The following LGR5 variants were observed in gnomAD, a reference collection of about 807,000 sequenced individuals.
LGR5 encodes the protein leucine rich repeat containing G protein-coupled receptor 5, also known as leucine-rich repeat-containing G protein-coupled receptor 5.
LGR5 carries 54 observed loss-of-function variants against 76.7 expected under a neutral mutation model. The observed-to-expected ratio is 0.70, with a 90% CI of 0.57 to 0.88. The LOEUF (loss-of-function observed/expected upper bound fraction) is 0.88. LGR5 is among the 40% of genes least tolerant of loss of function. The probability of loss-of-function intolerance (pLI) is 0.00; values close to 1 mark genes in which losing one functional copy is unlikely to be tolerated. For synonymous variants in LGR5, 406 were observed against 421.9 expected, an observed-to-expected ratio of 0.96 and a Z score of 0.46; for missense variants, 1,078 against 1,073.3, an observed-to-expected ratio of 1.00 and a Z score of -0.06.
chr12:71,513,820 A>G (rs1397715476), intron 2 of LGR5, among the ~76,000 whole-genome samples: 1 of 152,210 alleles, frequency 6.6e-6, no homozygotes, highest in African/African-American at 2.4e-5. Flanking sequence ...TGGTTTTGTG[A>G]CTAGCTATCT....
intron 16 of LGR5, chr12:71,582,219 T>C: frequency 2.2e-6 from 1 of 444,850 alleles, no homozygotes; most frequent in South Asian, 2.8e-5. Context: ...AGAGTTTAGA[T>C]GTTACACCCG....
intron 4 of LGR5, among the ~76,000 whole-genome samples, chr12:71,539,617 A>G (rs940906803): frequency 6.6e-6 from 1 of 152,158 alleles, no homozygotes; most frequent in Non-Finnish European, 1.5e-5. Context: ...AGCTGGAATT[A>G]CAGGCACCTG....
At chr12:71,513,937 A>G (rs548240479) in intron 2 of LGR5, among the ~76,000 whole-genome samples, 7 of 152,292 alleles carry the variant, frequency 4.6e-5, no homozygotes, top group African/African-American at 1.7e-4. Flanking sequence ...TACTCTGTGC[A>G]TGCAATAAGA....
intron 1 of LGR5, among the ~76,000 whole-genome samples, chr12:71,457,886 C>T (rs1872548449): frequency 6.6e-6 from 1 of 152,102 alleles, no homozygotes; most frequent in African/African-American, 2.4e-5. Flanking sequence ...ATCCTACAAT[C>T]CTGGACATAC....
chr12:71,458,295 T>C (rs969199298), intron 1 of LGR5, among the ~76,000 whole-genome samples: 1 of 152,130 alleles, frequency 6.6e-6, no homozygotes, highest in African/African-American at 2.4e-5. Flanking sequence ...AGATTTAATG[T>C]TCCTTATAAA....
intron 1 of LGR5, among the ~76,000 whole-genome samples, chr12:71,500,925 C>A (rs2137297759): frequency 1.3e-5 from 2 of 152,304 alleles, no homozygotes; most frequent in East Asian, 3.9e-4. Context: ...ATTTGACCAT[C>A]TTGTCACAAC....
rs761939710 is a variant in LGR5 at position 71,504,630 on chromosome 12, A to G, written c.229A>G (p.Asn77Asp). The G allele has an allele frequency of 1.9e-6, 3 of 1,614,056 alleles. No individual in the cohort carries two copies. The Admixed American group carries it at 5.0e-5, about 27-fold the overall frequency. ...FTSYLDLSMN[N>D]ISQLLPNPLP... ...CCCCCCCAGAGACCTCAGTATGAAC[A>G]ACATCAGTCAGCTGCTCCCGAATCC... The change falls in exon 2 of 18, where the codon AAC (asparagine) becomes GAC (aspartate). Residue 77 changes from asparagine to aspartate, a missense_variant. Coordinates refer to ENST00000266674, the MANE Select transcript of LGR5 (RefSeq NM_003667.4).
intron 8 of LGR5, among the ~76,000 whole-genome samples, chr12:71,565,270 C>G (rs1012238077): frequency 1.3e-5 from 2 of 151,808 alleles, no homozygotes; most frequent in African/African-American, 2.4e-5. Context: ...TACCACTAAG[C>G]ATTATTATCT....
chr12:71,446,012 A>C (rs1403592291), intron 1 of LGR5, among the ~76,000 whole-genome samples: 1 of 152,166 alleles, frequency 6.6e-6, no homozygotes, highest in East Asian at 1.9e-4. Context: ...TTCAGGGCTT[A>C]TTCTTCTTCT....
At chr12:71,550,316 A>G (rs1877414627) in intron 4 of LGR5, among the ~76,000 whole-genome samples, 1 of 149,328 alleles carries the variant, frequency 6.7e-6, no homozygotes. Context: ...ACACCCACCT[A>G]ATTTTTGTAT....
chr12:71,448,592 GTTACAT>G (rs1253762379), intron 1 of LGR5: 1 of 152,140 alleles, frequency 6.6e-6, no homozygotes, highest in Non-Finnish European at 1.5e-5. Flanking sequence ...AAGGAACTCT[GTTACAT>G]AATCAATTGG....
At chr12:71,566,739 A>C in intron 10 of LGR5, 39 bp downstream of exon 10, 3 of 1,583,184 alleles carry the variant, frequency 1.9e-6, no homozygotes, top group Non-Finnish European at 2.6e-6. Context: ...CCCAGAACAT[A>C]CACTGCCATT....
At chr12:71,568,116 T>C (rs1265081622) in intron 11 of LGR5, among the ~76,000 whole-genome samples, 9 of 152,194 alleles carry the variant, frequency 5.9e-5, no homozygotes, top group Non-Finnish European at 1.5e-5. Context: ...GGATTTTACA[T>C]ACTGGAGCTA....
chr12:71,477,623 T>A (rs1324232855), intron 1 of LGR5, among the ~76,000 whole-genome samples: 1 of 152,096 alleles, frequency 6.6e-6, no homozygotes, highest in Non-Finnish European at 1.5e-5. Flanking sequence ...CTACACCCTT[T>A]TGTATGAATT....
In LGR5 at chr12:71,584,225, A is replaced by G; in HGVS notation, c.2215A>G (p.Met739Val). The stretch of plus-strand genomic sequence containing the variant: ...CTTGCTCAATTCCCTTTGCTTCCTC[A>G]TGATGACCATTGCCTACACCAAGCT... ...LILLNSLCFL[M>V]MTIAYTKLYC... Residue 739 changes from methionine to valine, a missense_variant, in exon 18 of 18, where the codon ATG becomes GTG. Physicochemically the swap from Met to Val is conservative, Grantham distance 21 (BLOSUM62 1). Transcript: ENST00000266674. 6.2e-7 allele frequency: 1 copy of G among 1,614,086 alleles called. No individual in the cohort carries two copies. Among genetic ancestry groups the G allele is most frequent in the Non-Finnish European group, 8.5e-7 (1 of 1,180,000 alleles).
intron 5 of LGR5, 149 bp from the exon 6 acceptor site, chr12:71,556,470 G>T: frequency 3.3e-6 from 2 of 606,092 alleles, no homozygotes. Flanking sequence ...TCTGTGGTAT[G>T]AGTGAATGCA....
intron 11 of LGR5, among the ~76,000 whole-genome samples, chr12:71,567,490 C>G (rs1423237605): frequency 1.3e-5 from 2 of 152,156 alleles, no homozygotes; most frequent in Non-Finnish European, 2.9e-5. Context: ...TTTTGACCTT[C>G]CATTTTTCAG....
intron 1 of LGR5, among the ~76,000 whole-genome samples, chr12:71,451,404 C>T (rs751988382): frequency 2.6e-5 from 4 of 152,182 alleles, no homozygotes; most frequent in Non-Finnish European, 5.9e-5. Context: ...ACACCCCAAG[C>T]TCTCTTCTCT....
chr12:71,522,801 A>G (rs7315444), intron 2 of LGR5, among the ~76,000 whole-genome samples: 14,015 of 152,202 alleles, frequency 0.092, 692 homozygotes, highest in Non-Finnish European at 0.11. Context: ...AAGGTAGGGA[A>G]ATCGTGGAGT....
Sources: allele counts gnomAD v4.1 joint callset (sites outside exome capture counted in the v4.1 genomes callset), GRCh38; gene constraint gnomAD v4.1.1; transcripts MANE v1.5; gene names NCBI Gene and HGNC (gene_info 2026-07-23, HGNC 2026-07-21).